The following CDC73 variants were observed in gnomAD, a reference collection of about 807,000 sequenced individuals.
The protein encoded by CDC73 is parafibromin.
In CDC73, 21 loss-of-function variants were observed where a neutral mutation model predicts 83.7. That is an observed-to-expected ratio of 0.25 (90% CI 0.18 to 0.36). The LOEUF (loss-of-function observed/expected upper bound fraction) is 0.36, where lower values mean the gene tolerates loss of function less well. Among genes scored for constraint, CDC73 ranks in the 10% least tolerant of loss-of-function variants. CDC73 has a pLI of 1.00. For missense variants in CDC73, 342 were observed against 653.3 expected, an observed-to-expected ratio of 0.52 and a Z score of 5.19; for synonymous variants, 224 against 212.9, an observed-to-expected ratio of 1.05 and a Z score of -0.45.
At chr1:193,168,049 C>CA (rs533084499) in intron 10 of CDC73, among the ~76,000 whole-genome samples, 55 of 152,076 alleles carry the variant, frequency 3.6e-4, no homozygotes, top group East Asian at 2.3e-3. Context: ...TTAATAGAGA[C>CA]AGGGTTTCAC....
chr1:193,167,963 C>A (rs1676460149), intron 10 of CDC73, among the ~76,000 whole-genome samples: 1 of 152,142 alleles, frequency 6.6e-6, no homozygotes, highest in Non-Finnish European at 1.5e-5. Flanking sequence ...CGGGTTCAAG[C>A]AGTTCTCCTG....
At chr1:193,195,051 ACT>A (rs1004371439) in intron 10 of CDC73, among the ~76,000 whole-genome samples, 1 of 152,164 alleles carries the variant, frequency 6.6e-6, no homozygotes, top group African/African-American at 2.4e-5. Context: ...CAATGAATTG[ACT>A]CACACAGGTA....
chr1:193,227,792 A>G (rs533869982), intron 13 of CDC73, among the ~76,000 whole-genome samples: 5 of 152,318 alleles, frequency 3.3e-5, no homozygotes, highest in East Asian at 3.9e-4. Flanking sequence ...CAACTGTATT[A>G]TTATATATTG....
At chr1:193,172,498 G>A (rs542058928) in intron 10 of CDC73, among the ~76,000 whole-genome samples, 4 of 152,114 alleles carry the variant, frequency 2.6e-5, no homozygotes, top group Admixed American at 6.5e-5. Flanking sequence ...CCTTTTATGT[G>A]TTCCTACCTT....
intron 13 of CDC73, among the ~76,000 whole-genome samples, chr1:193,226,993 T>A (rs1677577163): frequency 6.6e-6 from 1 of 152,176 alleles, no homozygotes; most frequent in African/African-American, 2.4e-5. Context: ...TTAATCTTGC[T>A]GCTTGTTATT....
At chr1:193,223,398 A>C (rs1177122483) in intron 13 of CDC73, among the ~76,000 whole-genome samples, 2 of 152,170 alleles carry the variant, frequency 1.3e-5, no homozygotes, top group Non-Finnish European at 2.9e-5. Context: ...CATAACTTTA[A>C]ATTAAATTCT....
chr1:193,225,244 T>TTATATATATATA (rs1677545919), intron 13 of CDC73, among the ~76,000 whole-genome samples: 3 of 45,780 alleles, frequency 6.6e-5, no homozygotes, highest in African/African-American at 1.2e-4. Context: ...TAGTATTCCA[T>TTATATATATATA]GATATATATA....
In CDC73 at chr1:193,181,846, T is replaced by C. The variant is rs187364519; in HGVS notation, c.973-21949T>C. Among the ~76,000 whole-genome samples, 93 of 152,296 alleles carry C rather than the reference T, an allele frequency of 6.1e-4. No homozygotes were observed. In the Middle Eastern group the frequency reaches 0.027, roughly 45 times the overall value. On this transcript the variant is annotated intron_variant, in intron 10 of 16. Coordinates refer to ENST00000367435, the MANE Select transcript of CDC73 (RefSeq NM_024529.5). Reference sequence around the variant, plus strand: ...AACATAACATCACTGAGAACAAGATTAATTTATTTAAAAATATACCTTTGT... The same window carrying C: ...AACATAACATCACTGAGAACAAGATCAATTTATTTAAAAATATACCTTTGT...
At chr1:193,136,082 G>A (rs1015372862) in intron 5 of CDC73, among the ~76,000 whole-genome samples, 16 of 151,860 alleles carry the variant, frequency 1.1e-4, no homozygotes, top group African/African-American at 3.6e-4. Flanking sequence ...GTGTTGGCCA[G>A]GCTACAGAAT....
chr1:193,244,300 G>A (rs986296175), intron 15 of CDC73, among the ~76,000 whole-genome samples: 1 of 152,144 alleles, frequency 6.6e-6, no homozygotes, highest in Non-Finnish European at 1.5e-5. Flanking sequence ...TTTAAAAATG[G>A]CAATCATATA....
chr1:193,136,447 T>C, intron 5 of CDC73: 1 of 252,726 alleles, frequency 4.0e-6, no homozygotes, highest in Non-Finnish European at 9.1e-6. Context: ...TCATTGTTAT[T>C]GCTCTATGCT....
At chr1:193,174,095 A>G (rs1385506271) in intron 10 of CDC73, among the ~76,000 whole-genome samples, 1 of 151,792 alleles carries the variant, frequency 6.6e-6, no homozygotes, top group Admixed American at 6.6e-5. Context: ...TCTATCCACA[A>G]TTCCATGCTC....
rs16835199 is a variant in CDC73, at chr1:193,186,519, A to G, written c.973-17276A>G. ...TCTTTCGTTGTTGCCTGGCAGCTGCAGGAAGGATTTTGAGCAGTTTTAATG... is the reference window on the plus strand; with the variant it reads ...TCTTTCGTTGTTGCCTGGCAGCTGCGGGAAGGATTTTGAGCAGTTTTAATG... On this transcript the variant is annotated intron_variant, in intron 10 of 16. Transcript: ENST00000367435. 1,206 of 152,700 alleles carry G rather than the reference A, an allele frequency of 7.9e-3. 31 individuals are homozygous for G. Among genetic ancestry groups the G allele is most frequent in the Admixed American group, 0.048 (728 of 15,286 alleles). 9.5% of individuals were successfully genotyped at this position (152,700 alleles called of 1,614,324 possible). A position where few individuals can be genotyped will look rare whatever the true frequency, so the allele number is the denominator to read the frequency against.
chr1:193,244,488 A>G (rs1402434966), intron 15 of CDC73, among the ~76,000 whole-genome samples: 1 of 152,242 alleles, frequency 6.6e-6, no homozygotes, highest in Admixed American at 6.5e-5. Flanking sequence ...AGGTTGGGCC[A>G]GGAGGGTCAC....
intron 11 of CDC73, among the ~76,000 whole-genome samples, chr1:193,209,134 G>A (rs1026243791): frequency 6.6e-6 from 1 of 152,202 alleles, no homozygotes; most frequent in African/African-American, 2.4e-5. Context: ...TAACTTAGCA[G>A]TGATGCTTGT....
chr1:193,139,519 A>G (rs563328518), intron 6 of CDC73, among the ~76,000 whole-genome samples: 2 of 152,214 alleles, frequency 1.3e-5, no homozygotes, highest in South Asian at 2.1e-4. Context: ...TAGTTCTTGT[A>G]ATTATTTTCA....
intron 13 of CDC73, among the ~76,000 whole-genome samples, chr1:193,214,054 T>A (rs1043248688): frequency 1.3e-4 from 20 of 152,198 alleles, no homozygotes; most frequent in Admixed American, 1.2e-3. Flanking sequence ...CTTTAACCTT[T>A]TGTTGATCAT....
intron 13 of CDC73, among the ~76,000 whole-genome samples, chr1:193,223,863 T>C (rs1391367998): frequency 6.6e-6 from 1 of 151,280 alleles, no homozygotes; most frequent in Non-Finnish European, 1.5e-5. Context: ...TTTTCTTTTT[T>C]CCTTTTTTTT....
At chr1:193,142,626 C>A (rs1436957772) in intron 7 of CDC73, among the ~76,000 whole-genome samples, 1 of 151,612 alleles carries the variant, frequency 6.6e-6, no homozygotes, top group Non-Finnish European at 1.5e-5. Flanking sequence ...TCTCTCTGCC[C>A]CCCTCCTCCT....
Sources: gnomAD v4.1 joint callset for allele counts (sites outside exome capture counted in the v4.1 genomes callset) on GRCh38, gnomAD v4.1.1 for gene constraint, MANE v1.5 for transcripts, NCBI Gene and HGNC (gene_info 2026-07-23, HGNC 2026-07-21) for gene names.